The following IL32 variants were observed in gnomAD, a reference collection of about 807,000 sequenced individuals.
IL32 encodes the protein interleukin 32.
In IL32, 30 loss-of-function variants were observed where a neutral mutation model predicts 16.6. The ratio of observed to expected loss-of-function variants is 1.81; its 90% CI spans 1.35 to 2.45. The LOEUF is 2.45. Ranked by LOEUF, IL32 falls within the 30% of genes most tolerant of loss-of-function variation. The pLI is 0.00. For synonymous variants in IL32, 70 were observed against 86.1 expected (o/e 0.81, Z 1.03); for missense variants, 234 against 229.8 (o/e 1.02, Z -0.12).
rs773942215 is a variant in IL32 at position 3,065,769 on chromosome 16, G to C, written c.-28-15G>C. On this transcript the variant is annotated splice_polypyrimidine_tract_variant and intron_variant, in intron 1 of 6. Transcript: ENST00000525643. ...GAGACACTTTCTTTTCCTCACACCT[G>C]TTCCTCGCCAGCAGGCCTTGGCTCC... 1 of 1,613,832 alleles carries C rather than the reference G, an allele frequency of 6.2e-7. No homozygotes were observed. Among genetic ancestry groups the C allele is most frequent in the Non-Finnish European group, 8.5e-7 (1 of 1,179,814 alleles).
At chr16:3,067,774 T>C (rs966535346) in intron 4 of IL32, 161 bp downstream of exon 4, 29 of 807,826 alleles carry the variant, frequency 3.6e-5, no homozygotes, top group Non-Finnish European at 4.1e-5. Context: ...AGTGGGCGGG[T>C]GGGGGATCTG....
rs557142377 is a variant in IL32 at position 3,067,112 on chromosome 16, G to A, written c.16-265G>A. On this transcript the variant is annotated intron_variant, in intron 2 of 6. Coordinates refer to ENST00000525643, the MANE Select transcript of IL32 (RefSeq NM_001376923.1). ...GCTCTTGTGAGGAGGGGTCACCTAG[G>A]CCCATGCTGGCCCTGCTCTTGGGCC... is the stretch of plus-strand genomic sequence containing the variant. 3.4e-5 allele frequency among the ~76,000 whole-genome samples: 3 copies of A among 88,496 alleles called. 1 individual carries two copies. Among genetic ancestry groups the A allele is most frequent in the East Asian group, 8.2e-4 (2 of 2,440 alleles). The allele number at this position is 88,496 out of a possible 152,430, so 58.1% of individuals were successfully genotyped here. A position where few individuals can be genotyped will look rare whatever the true frequency, so the allele number is the denominator to read the frequency against.
chr16:3,066,418 AT>A (rs1178630388), intron 2 of IL32, among the ~76,000 whole-genome samples: 1 of 152,144 alleles, frequency 6.6e-6, no homozygotes, highest in African/African-American at 2.4e-5. Context: ...GGCTAGCGGG[AT>A]GGGACCATCG....
rs1956792704 is a variant in IL32, at chr16:3,069,201, T to C, written c.413T>C (p.Val138Ala). Residue 138 changes from valine (V) to alanine (A), a missense_variant, in exon 7 of 7, where the codon GTC becomes GCC. Around this residue, in one of 3 missense-constraint regions of IL32, gnomAD observed 44 missense variants for 103.1 expected, o/e 0.43. Transcript: ENST00000525643. Reference protein sequence around the residue: ...AWVKEKVVALVHAVQALWKQF... With the variant: ...AWVKEKVVALAHAVQALWKQF... ...GTGAAGGAGAAGGTGGTGGCCCTGG[T>C]CCATGCAGTGCAGGCCCTCTGGAAA... 1 of 1,614,122 alleles carries C rather than the reference T, an allele frequency of 6.2e-7. No homozygotes were observed.
chr16:3,068,731 G>C (rs975693206), intron 6 of IL32: 4 of 539,150 alleles, frequency 7.4e-6, no homozygotes, highest in Non-Finnish European at 1.3e-5. Context: ...TCACACAGTG[G>C]CACAGCCCTC....
Position 3,065,823 on chromosome 16 carries a change from G to A in IL32, c.12G>A (p.Pro4=), listed in dbSNP as rs137891370. 83 of 1,614,006 alleles carry A rather than the reference G, an allele frequency of 5.1e-5. No individual in the cohort carries two copies. The highest frequency in any genetic ancestry group is 1.2e-4 in the African/African-American group (9 of 74,934). Residue 4 remains proline, a synonymous_variant, in exon 2 of 7, where the codon CCG becomes CCA. Transcript: ENST00000525643. ...AACTTTTGGCCGCCATGTGCTTCCC[G>A]AAGGTGAGTGAGAGGCTGCGTGTGC... MCF[P]KVLSDDMKKL...
chr16:3,065,762 C>T, intron 1 of IL32, 22 bp from the exon 2 acceptor site: 1 of 1,613,338 alleles, frequency 6.2e-7, no homozygotes, highest in South Asian at 1.1e-5. Context: ...TTCTTTTCCT[C>T]ACACCTGTTC....
In IL32 at chr16:3,067,566, G is replaced by A. The variant is rs910339811; in HGVS notation, c.67G>A (p.Glu23Lys). ...KLKARMHQAI[E>K]RFYDKMQNAE... ...CCTCTCTTCACAGCACCAGGCCATAGAAAGATTTTATGATAAAATGCAAAA... is the reference window on the plus strand; with the variant it reads ...CCTCTCTTCACAGCACCAGGCCATAAAAAGATTTTATGATAAAATGCAAAA... Residue 23 changes from glutamate (E) to lysine (K), a missense_variant, in exon 4 of 7, where the codon GAA (glutamate) becomes AAA (lysine). Glu to Lys is a moderately conservative substitution (Grantham distance 56). Transcript: ENST00000525643. The A allele has an allele frequency of 5.6e-6, 9 of 1,614,042 alleles. No individual in the cohort carries two copies. The highest frequency in any genetic ancestry group is 1.6e-4 in the Middle Eastern group (1 of 6,062).
intron 4 of IL32, 135 bp from the exon 5 acceptor site, chr16:3,067,849 C>A: frequency 9.5e-7 from 1 of 1,055,054 alleles, no homozygotes; most frequent in Non-Finnish European, 1.5e-6. Flanking sequence ...AACAGGGGTG[C>A]CAGACGTGGC....
rs1455172942 is a variant in IL32 at position 3,068,925 on chromosome 16, G to C, written c.202-65G>C. ...GTCAGGAAAAGGCTGAGAGGCCTGG[G>C]TGTGGCCAGGGCCTGGGGCTGACAC... On this transcript the variant is annotated intron_variant, in intron 6 of 6. Coordinates refer to ENST00000525643, the MANE Select transcript of IL32 (RefSeq NM_001376923.1). 55 of 1,602,120 alleles carry C rather than the reference G, an allele frequency of 3.4e-5. No homozygotes were observed. In the South Asian group the frequency reaches 6.1e-4, roughly 18 times the overall value.
At chr16:3,066,700 C>G (rs1956348689) in intron 2 of IL32, among the ~76,000 whole-genome samples, 1 of 152,312 alleles carries the variant, frequency 6.6e-6, no homozygotes, top group East Asian at 1.9e-4. Flanking sequence ...GTGGACCTAC[C>G]TGGCACCCCA....
chr16:3,067,469 T>G, intron 3 of IL32, 54 bp downstream of exon 3: 3 of 1,613,638 alleles, frequency 1.9e-6, no homozygotes. Flanking sequence ...TCTCAGCGTG[T>G]GACACTGAGG....
At chr16:3,067,277 G>GTGTGTGTGTGTGTGTGTCTC in intron 2 of IL32, 100 bp from the exon 3 acceptor site, 1 of 283,424 alleles carries the variant, frequency 3.5e-6, no homozygotes, top group Non-Finnish European at 6.3e-6. Flanking sequence ...GTCTCTGTGT[G>GTGTGTGTGTGTGTGTGTCTC]TGTGTGTGTG....
chr16:3,067,720 C>G (rs1272866734), intron 4 of IL32, 107 bp downstream of exon 4: 2 of 968,250 alleles, frequency 2.1e-6, no homozygotes, highest in South Asian at 2.8e-5. Context: ...CACAGGCTCC[C>G]TCACCCCTTA....
intron 2 of IL32, 94 bp from the exon 3 acceptor site, chr16:3,067,283 G>GTGTGTGTGTCTC: frequency 3.7e-6 from 2 of 535,196 alleles, no homozygotes; most frequent in East Asian, 3.3e-5. Flanking sequence ...GTGTGTGTGT[G>GTGTGTGTGTCTC]TGTGTGTGTG....
intron 2 of IL32, among the ~76,000 whole-genome samples, chr16:3,066,924 C>G (rs949341250): frequency 6.7e-6 from 1 of 148,740 alleles, no homozygotes; most frequent in African/African-American, 2.5e-5. Flanking sequence ...CCACGCAGGC[C>G]CTGCTCTTGT....
At position 3,069,345 on chromosome 16, in the gene IL32, C is replaced by A; in HGVS notation, c.557C>A (p.Ser186Tyr). Residue 186 changes from serine (S) to tyrosine (Y), a missense_variant, in exon 7 of 7, where the codon TCC (serine) becomes TAC (tyrosine). Coordinates refer to ENST00000525643, the MANE Select transcript of IL32 (RefSeq NM_001376923.1). ...LTPQKCSEPQSSK is the reference protein window; with the variant it reads ...LTPQKCSEPQYSK ...CCCCAGAAGTGCTCTGAACCCCAAT[C>A]CTCAAAATGAAGATACTGACACCAC... is the stretch of plus-strand genomic sequence containing the variant. 2 of 1,591,370 alleles carry A rather than the reference C, an allele frequency of 1.3e-6. No homozygotes were observed. The highest frequency in any genetic ancestry group is 4.5e-5 in the East Asian group (2 of 44,660).
At position 3,069,449 on chromosome 16, in the gene IL32, A is replaced by G. The variant is rs905806019; in HGVS notation, c.*94A>G. 1 of 1,409,750 alleles carries G rather than the reference A, an allele frequency of 7.1e-7. No individual in the cohort carries two copies. Among genetic ancestry groups the G allele is most frequent in the African/African-American group, 1.5e-5 (1 of 68,672 alleles). The allele number at this position is 1,409,750 out of a possible 1,614,324, so 87.3% of individuals were successfully genotyped here. A position where few individuals can be genotyped will look rare whatever the true frequency, so the allele number is the denominator to read the frequency against. ...GTGCCCCGCCCTCTCCCGCACACTC[A>G]GTCCCCCTGCCTGGCGTTCCTGCCG... On this transcript the variant is annotated 3_prime_UTR_variant, in exon 7 of 7. Coordinates refer to ENST00000525643, the MANE Select transcript of IL32 (RefSeq NM_001376923.1).
intron 4 of IL32, 121 bp downstream of exon 4, chr16:3,067,734 T>A: frequency 1.1e-6 from 1 of 910,208 alleles, no homozygotes. Context: ...CCCCTTACCG[T>A]GGGCAAATGC....
Sources: gnomAD v4.1 joint callset for allele counts (sites outside exome capture counted in the v4.1 genomes callset) on GRCh38, gnomAD v4.1.1 for gene constraint, gnomAD v4.1.1 regional missense constraint, MANE v1.5 for transcripts, NCBI Gene and HGNC (gene_info 2026-07-23, HGNC 2026-07-21) for gene names.